The following COL11A2 variants were observed in gnomAD, a reference collection of about 807,000 sequenced individuals.
COL11A2 encodes collagen type XI alpha 2 chain.
A neutral mutation model predicts 273.4 loss-of-function variants in COL11A2; 116 were observed. That is an observed-to-expected ratio of 0.42 (90% CI 0.36 to 0.49). The LOEUF (loss-of-function observed/expected upper bound fraction) is 0.49, where lower values mean the gene tolerates loss of function less well. Among genes scored for constraint, COL11A2 ranks in the 20% least tolerant of loss-of-function variants. The pLI, the probability that COL11A2 is intolerant of heterozygous loss-of-function variation, is 0.00. For synonymous variants in COL11A2, 782 were observed against 864.2 expected, an observed-to-expected ratio of 0.90 and a Z score of 1.67; for missense variants, 1,866 against 2,309.0, an observed-to-expected ratio of 0.81 and a Z score of 3.93.
At position 33,169,689 on chromosome 6, in the gene COL11A2, G is replaced by T; in HGVS notation, c.3690+142C>A. ...GGAAGAAGGGCTCACTCAGACCAGG[G>T]ATCAGGCCTCATAGAGGATGGCAGG... On this transcript the variant is annotated intron_variant, in intron 50 of 65. Coordinates refer to ENST00000341947, the MANE Select transcript of COL11A2 (RefSeq NM_080680.3). This position sits in a 1 kb window ranked among gnomAD's most constrained non-coding sequence, Gnocchi z 5.5. The T allele has an allele frequency of 8.5e-7, 1 of 1,174,386 alleles. No individual in the cohort carries two copies. The highest frequency in any genetic ancestry group is 1.3e-6 in the Non-Finnish European group (1 of 783,282). The allele number at this position is 1,174,386 out of a possible 1,614,324, so 72.7% of individuals were successfully genotyped here.
Position 33,184,295 on chromosome 6 carries a change from T to C in COL11A2, c.969A>G (p.Thr323=). 2 of 1,367,496 alleles carry C rather than the reference T, an allele frequency of 1.5e-6. No individual in the cohort carries two copies. Among genetic ancestry groups the C allele is most frequent in the Non-Finnish European group, 2.0e-6 (2 of 1,021,936 alleles). 84.7% of individuals were successfully genotyped at this position (1,367,496 alleles called of 1,614,324 possible). ...EEQTDLQVPP[T]ADRFQAEEYG... is the part of the protein sequence containing the mutation. ...ATTCCTCTGCCTGGAACCTGTCGGC[T>C]GTGGGGGGGACCTGGAGATCTGTCT... Residue 323 remains threonine (T), a synonymous_variant, in exon 8 of 66, where the codon ACA becomes ACG. Transcript: ENST00000341947.
At chr6:33,174,284 G>C (rs1296795209) in intron 31 of COL11A2, 66 bp from the exon 32 acceptor site, 2 of 1,545,280 alleles carry the variant, frequency 1.3e-6, no homozygotes, top group Non-Finnish European at 1.8e-6. Context: ...AAGGGGCAAA[G>C]GGGGTCAGGA....
chr6:33,170,727 G>T lies in COL11A2; in HGVS notation c.3474+83C>A, dbSNP rs546501809. The T allele has an allele frequency of 1.3e-6, 2 of 1,580,248 alleles. No homozygotes were observed. The highest frequency in any genetic ancestry group is 3.3e-5 in the Admixed American group (2 of 59,890). On this transcript the variant is annotated intron_variant, in intron 46 of 65. Transcript: ENST00000341947. The surrounding 1 kb of genome is among the most constrained non-coding windows in gnomAD (Gnocchi z 4.3). ...CTCCGCAGGCCCTCCAGTCTGCATC[G>T]GCAGGCTGCTGGCAGAGTCTGGGGC... is the stretch of plus-strand genomic sequence containing the variant.
chr6:33,170,417 G>A lies in COL11A2; in HGVS notation c.3529-38C>T. 2 of 1,608,558 alleles carry A rather than the reference G, an allele frequency of 1.2e-6. No individual in the cohort carries two copies. The highest frequency in any genetic ancestry group is 1.7e-6 in the Non-Finnish European group (2 of 1,175,700). Reference sequence around the variant, plus strand: ...GATACACCACAGATGAGGAAGGGAAGTGAGATGGCTGAGCATGAATGGTGG... The same window carrying A: ...GATACACCACAGATGAGGAAGGGAAATGAGATGGCTGAGCATGAATGGTGG... On this transcript the variant is annotated intron_variant, in intron 47 of 65. Coordinates refer to ENST00000341947, the MANE Select transcript of COL11A2 (RefSeq NM_080680.3). The surrounding 1 kb of genome is among the most constrained non-coding windows in gnomAD (Gnocchi z 4.3).
intron 11 of COL11A2, among the ~76,000 whole-genome samples, 159 bp from the exon 12 acceptor site, chr6:33,180,491 C>A (rs1771575899): frequency 6.6e-6 from 1 of 152,106 alleles, no homozygotes; most frequent in Non-Finnish European, 1.5e-5. Flanking sequence ...GGTGAGAAAC[C>A]AGATCAGCAC....
Position 33,166,863 on chromosome 6 carries a change from G to T in COL11A2, c.4231-36C>A, listed in dbSNP as rs780138244. The T allele has an allele frequency of 1.2e-6, 2 of 1,604,794 alleles. No individual in the cohort carries two copies. The highest frequency in any genetic ancestry group is 1.7e-6 in the Non-Finnish European group (2 of 1,174,766). Reference sequence around the variant, plus strand: ...GTGCAGGCAGTCAAGAGAATGCAAAGAGGAGTCATGTGGATGGGGGAGAAG... The same window carrying T: ...GTGCAGGCAGTCAAGAGAATGCAAATAGGAGTCATGTGGATGGGGGAGAAG... On this transcript the variant is annotated intron_variant, in intron 58 of 65. Coordinates refer to ENST00000341947, the MANE Select transcript of COL11A2 (RefSeq NM_080680.3). This position sits in a 1 kb window ranked among gnomAD's most constrained non-coding sequence, Gnocchi z 4.8.
chr6:33,179,722 C>T lies in COL11A2; in HGVS notation c.1443G>A (p.Ala481=), dbSNP rs146421083. 6.2e-6 allele frequency: 10 copies of T among 1,611,918 alleles called. No homozygotes were observed. Among genetic ancestry groups the T allele is most frequent in the South Asian group, 3.3e-5 (3 of 91,086 alleles). The stretch of plus-strand genomic sequence containing the variant: ...CCAGGGAAGCAGCCCCACTCACCCT[C>T]GCCTGCTGCAGGATCGCCTGGGCCT... ...EAQAQAILQQ[A]RLALRGPPGP... Residue 481 remains alanine (A), a synonymous_variant, in exon 13 of 66, where the codon GCG becomes GCA. Coordinates refer to ENST00000341947, the MANE Select transcript of COL11A2 (RefSeq NM_080680.3). This position sits in a 1 kb window ranked among gnomAD's most constrained non-coding sequence, Gnocchi z 6.4.
rs1297220555 is a variant in COL11A2, at chr6:33,169,435, C to T, written c.3746G>A (p.Gly1249Glu). 1.2e-6 allele frequency: 2 copies of T among 1,612,902 alleles called. No individual in the cohort carries two copies. The highest frequency in any genetic ancestry group is 1.3e-5 in the African/African-American group (1 of 74,936). Residue 1249 changes from glycine (G) to glutamate (E), a missense_variant, in exon 51 of 66, where the codon GGG (glycine) becomes GAG (glutamate). By Grantham distance (98) the Gly-to-Glu change is moderately conservative. Coordinates refer to ENST00000341947, the MANE Select transcript of COL11A2 (RefSeq NM_080680.3). This position sits in a 1 kb window ranked among gnomAD's most constrained non-coding sequence, Gnocchi z 5.5. ...TGTGGGGCCTTTAGGCCCTGGTGGC[C>T]CTGGCTCTCCTGGCTGCCCCGACTC... is the stretch of plus-strand genomic sequence containing the variant. ...KGESGQPGEP[G>E]PPGPKGPTGD...
chr6:33,192,177 C>T lies in COL11A2; in HGVS notation c.64G>A (p.Ala22Thr), dbSNP rs1473759442. ...LLLPLVLGLS[A>T]APGWAGAPPV... ...CTCTTACCTGCCCAGCCTGGGGCCGCGCTCAGCCCCAGCACCAGAGGTAGG... is the reference window on the plus strand; with the variant it reads ...CTCTTACCTGCCCAGCCTGGGGCCGTGCTCAGCCCCAGCACCAGAGGTAGG... The change falls in exon 1 of 66, where the codon GCG becomes ACG. Residue 22 changes from alanine to threonine, a missense_variant. Ala to Thr is a moderately conservative substitution (Grantham distance 58). Coordinates refer to ENST00000341947, the MANE Select transcript of COL11A2 (RefSeq NM_080680.3). 4 of 1,561,790 alleles carry T rather than the reference C, an allele frequency of 2.6e-6. No homozygotes were observed. The highest frequency in any genetic ancestry group is 8.7e-7 in the Non-Finnish European group (1 of 1,152,798).
chr6:33,169,605 A>T lies in COL11A2; in HGVS notation c.3691-115T>A, dbSNP rs1371949837. 1.6e-5 allele frequency: 18 copies of T among 1,150,500 alleles called. No individual in the cohort carries two copies. Among genetic ancestry groups the T allele is most frequent in the Non-Finnish European group, 2.3e-5 (18 of 776,226 alleles). The allele number at this position is 1,150,500 out of a possible 1,614,324, so 71.3% of individuals were successfully genotyped here. A position where few individuals can be genotyped will look rare whatever the true frequency, so the allele number is the denominator to read the frequency against. On this transcript the variant is annotated intron_variant, in intron 50 of 65. Transcript: ENST00000341947. This position sits in a 1 kb window ranked among gnomAD's most constrained non-coding sequence, Gnocchi z 5.5. ...CTACTCCCCTCAGTGACAATGGGACATACACAGAAAGTCAAGCCTACAAGG... is the reference window on the plus strand; with the variant it reads ...CTACTCCCCTCAGTGACAATGGGACTTACACAGAAAGTCAAGCCTACAAGG...
At chr6:33,188,879 A>C in intron 3 of COL11A2, 99 bp downstream of exon 3, 1 of 1,380,744 alleles carries the variant, frequency 7.2e-7, no homozygotes, top group Non-Finnish European at 1.0e-6. Context: ...GGTGTGGCCC[A>C]AAGGGTCTCA....
At chr6:33,191,628 G>A (rs1200497833) in intron 1 of COL11A2, among the ~76,000 whole-genome samples, 10 of 152,370 alleles carry the variant, frequency 6.6e-5, no homozygotes, top group East Asian at 1.9e-4. Context: ...AGCCAGCTGC[G>A]TGGCAGCATC....
At position 33,167,720 on chromosome 6, in the gene COL11A2, G is replaced by T. The variant is rs1769374348; in HGVS notation, c.4014+79C>A. The stretch of plus-strand genomic sequence containing the variant: ...CCAACATGGGAGAGGTGGAGATGGG[G>T]TGGGCATCTGGAGACGGAGGCATCT... On this transcript the variant is annotated intron_variant, in intron 55 of 65. Coordinates refer to ENST00000341947, the MANE Select transcript of COL11A2 (RefSeq NM_080680.3). The surrounding 1 kb of genome is among the most constrained non-coding windows in gnomAD (Gnocchi z 6.1). 2.6e-6 allele frequency: 4 copies of T among 1,556,390 alleles called. No individual in the cohort carries two copies. The African/African-American group carries it at 4.1e-5, about 16-fold the overall frequency.
At position 33,169,803 on chromosome 6, in the gene COL11A2, G is replaced by A. The variant is rs1401915381; in HGVS notation, c.3690+28C>T. On this transcript the variant is annotated intron_variant, in intron 50 of 65. Coordinates refer to ENST00000341947, the MANE Select transcript of COL11A2 (RefSeq NM_080680.3). This position sits in a 1 kb window ranked among gnomAD's most constrained non-coding sequence, Gnocchi z 5.5. Reference sequence around the variant, plus strand: ...GGTTGAGGCGGGTGACGGGGACTGGGGAGTAAGGCCTTGGAGCTGTCACTC... The same window carrying A: ...GGTTGAGGCGGGTGACGGGGACTGGAGAGTAAGGCCTTGGAGCTGTCACTC... The A allele has an allele frequency of 6.2e-7, 1 of 1,613,908 alleles. No individual in the cohort carries two copies.
At position 33,181,000 on chromosome 6, in the gene COL11A2, C is replaced by T; in HGVS notation, c.1185G>A (p.Met395Ile). The T allele has an allele frequency of 6.2e-7, 1 of 1,614,160 alleles. No individual in the cohort carries two copies. The highest frequency in any genetic ancestry group is 8.5e-7 in the Non-Finnish European group (1 of 1,180,010). The change falls in exon 10 of 66, where the codon ATG becomes ATA. Residue 395 changes from methionine (M) to isoleucine (I), a missense_variant. Transcript: ENST00000341947. Reference sequence around the variant, plus strand: ...CTGGGCCAGGGGGCCCCTCCACGAGCATACCCTGTGGAGTCAAAGGTTAAA... The same window carrying T: ...CTGGGCCAGGGGGCCCCTCCACGAGTATACCCTGTGGAGTCAAAGGTTAAA... ...KGEPAVLEPG[M>I]LVEGPPGPEG...
rs753326865 is a variant in COL11A2 at position 33,170,833 on chromosome 6, G to C, written c.3451C>G (p.Pro1151Ala). The C allele has an allele frequency of 6.8e-6, 11 of 1,612,848 alleles. No individual in the cohort carries two copies. Among genetic ancestry groups the C allele is most frequent in the Non-Finnish European group, 9.3e-6 (11 of 1,179,974 alleles). ...GDEGTRGFNG[P>A]PGPIGLQGLP... Reference sequence around the variant, plus strand: ...ACCTGTAGGCCAATGGGTCCTGGGGGCCCATTGAATCCTCTTGTTCCTTCA... The same window carrying C: ...ACCTGTAGGCCAATGGGTCCTGGGGCCCCATTGAATCCTCTTGTTCCTTCA... Residue 1151 changes from proline (P) to alanine (A), a missense_variant, in exon 46 of 66, where the codon CCC becomes GCC. Transcript: ENST00000341947. The surrounding 1 kb of genome is among the most constrained non-coding windows in gnomAD (Gnocchi z 4.3).
rs1768973893 is a variant in COL11A2, at chr6:33,165,446, C to T, written c.4750+103G>A. 1 of 1,566,312 alleles carries T rather than the reference C, an allele frequency of 6.4e-7. No homozygotes were observed. On this transcript the variant is annotated intron_variant, in intron 63 of 65. Transcript: ENST00000341947. The surrounding 1 kb of genome is among the most constrained non-coding windows in gnomAD (Gnocchi z 7.7). Reference sequence around the variant, plus strand: ...CAGTTCCCAGCCCCTCAGCCCTCACCCTTAACCCAACACCTTCACCAAGAC... The same window carrying T: ...CAGTTCCCAGCCCCTCAGCCCTCACTCTTAACCCAACACCTTCACCAAGAC...
In COL11A2 at chr6:33,176,823, TC is replaced by T; in HGVS notation, c.2071-59del. ...GCCCCTGTCACCCTCTCTGCACCCC[TC>T]CCTACACTTCTTCCAACCCAAATTT... On this transcript the variant is annotated intron_variant, in intron 25 of 65. Coordinates refer to ENST00000341947, the MANE Select transcript of COL11A2 (RefSeq NM_080680.3). This position sits in a 1 kb window ranked among gnomAD's most constrained non-coding sequence, Gnocchi z 4.9. The T allele has an allele frequency of 6.3e-7, 1 of 1,579,788 alleles. No homozygotes were observed.
Position 33,179,254 on chromosome 6 carries a change from C to G in COL11A2, c.1534G>C (p.Glu512Gln). Reference sequence around the variant, plus strand: ...ACCTGAGGTCCTAAGTCTCCAGACTCTCCTTTCAGGCCAGGGCTCCCAGGT... The same window carrying G: ...ACCTGAGGTCCTAAGTCTCCAGACTGTCCTTTCAGGCCAGGGCTCCCAGGT... Reference protein sequence around the residue: ...GQPGSPGLKGESGDLGPQGPR... With the variant: ...GQPGSPGLKGQSGDLGPQGPR... The change falls in exon 15 of 66, where the codon GAG becomes CAG. Residue 512 changes from glutamate to glutamine, a missense_variant. Transcript: ENST00000341947. This position sits in a 1 kb window ranked among gnomAD's most constrained non-coding sequence, Gnocchi z 6.4. 6.2e-7 allele frequency: 1 copy of G among 1,612,040 alleles called. No individual in the cohort carries two copies.
Sources: allele counts gnomAD v4.1 joint callset (sites outside exome capture counted in the v4.1 genomes callset), GRCh38; gene constraint gnomAD v4.1.1; non-coding constraint Gnocchi (gnomAD v3.1); transcripts MANE v1.5; gene names NCBI Gene and HGNC (gene_info 2026-07-23, HGNC 2026-07-21).